SMAP1: variants seen among roughly 807,000 people sequenced by gnomAD.
The protein encoded by SMAP1 is stromal membrane-associated protein 1.
In SMAP1, 24 loss-of-function variants were observed where a neutral mutation model predicts 58.5. That is an observed-to-expected ratio of 0.41 (90% confidence interval 0.30 to 0.58). The LOEUF (loss-of-function observed/expected upper bound fraction) is 0.58. Ranked by LOEUF, SMAP1 falls within the 20% of genes least tolerant of loss-of-function variation. The pLI, the probability that SMAP1 is intolerant of heterozygous loss-of-function variation, is 0.29. For missense variants in SMAP1, 563 were observed against 566.3 expected, an observed-to-expected ratio of 0.99 and a Z score of 0.06; for synonymous variants, 216 against 196.6, an observed-to-expected ratio of 1.10 and a Z score of -0.82.
intron 2 of SMAP1, among the ~76,000 whole-genome samples, chr6:70,751,885 T>C (rs1766293384): frequency 6.6e-6 from 1 of 152,160 alleles, no homozygotes; most frequent in African/African-American, 2.4e-5. Flanking sequence ...AAAGTACATG[T>C]CACTTATCCC....
At chr6:70,843,789 G>A (rs1346478705) in intron 7 of SMAP1, among the ~76,000 whole-genome samples, 1 of 152,184 alleles carries the variant, frequency 6.6e-6, no homozygotes, top group African/African-American at 2.4e-5. Flanking sequence ...GAACTCTTCT[G>A]TAGCTGAGGG....
intron 1 of SMAP1, among the ~76,000 whole-genome samples, chr6:70,731,195 G>T (rs1765418804): frequency 6.6e-6 from 1 of 151,998 alleles, no homozygotes; most frequent in African/African-American, 2.4e-5. Context: ...TGAATATTTG[G>T]CATATTTTCC....
At chr6:70,783,879 C>A (rs936800049) in intron 4 of SMAP1, among the ~76,000 whole-genome samples, 6 of 152,208 alleles carry the variant, frequency 3.9e-5, no homozygotes, top group African/African-American at 1.4e-4. Flanking sequence ...AAACACTCTG[C>A]AGGATATTAT....
In SMAP1 at chr6:70,810,331, CTCTT is replaced by C. The variant is rs537812256; in HGVS notation, c.576+11599_576+11602del. ...TCTCTCCTAGTAGGTTTTTGATAGT[CTCTT>C]TCTTCTGCTTCCCCATAATATTCAA... On this transcript the variant is annotated intron_variant, in intron 6 of 10. Coordinates refer to ENST00000370455, the MANE Select transcript of SMAP1 (RefSeq NM_001044305.3). Among the ~76,000 whole-genome samples the C allele has an allele frequency of 1.8e-3, 269 of 152,184 alleles. No individual in the cohort carries two copies. The Middle Eastern group carries it at 0.02, about 12-fold the overall frequency.
At chr6:70,851,229 G>T (rs193102464) in intron 7 of SMAP1, among the ~76,000 whole-genome samples, 1 of 152,000 alleles carries the variant, frequency 6.6e-6, no homozygotes, top group African/African-American at 2.4e-5. Flanking sequence ...ATATTTTATC[G>T]TGACTATGTG....
intron 1 of SMAP1, among the ~76,000 whole-genome samples, chr6:70,730,947 C>G (rs1265139099): frequency 1.3e-5 from 2 of 152,246 alleles, no homozygotes; most frequent in South Asian, 2.1e-4. Context: ...TTACAGGCAC[C>G]TGCCACCATG....
chr6:70,787,365 A>T (rs558542737), intron 4 of SMAP1, among the ~76,000 whole-genome samples: 11 of 152,242 alleles, frequency 7.2e-5, no homozygotes, highest in Admixed American at 3.9e-4. Context: ...AACCTAGGCA[A>T]TACCATTCAG....
intron 6 of SMAP1, among the ~76,000 whole-genome samples, chr6:70,810,080 A>G (rs1191428612): frequency 6.6e-6 from 1 of 152,206 alleles, no homozygotes; most frequent in Non-Finnish European, 1.5e-5. Context: ...CAGTAAAAAT[A>G]AATAATCTGT....
chr6:70,709,188 G>T (rs1444253287), intron 1 of SMAP1, among the ~76,000 whole-genome samples: 5 of 152,072 alleles, frequency 3.3e-5, no homozygotes, highest in Non-Finnish European at 5.9e-5. Context: ...TTCCGCCATT[G>T]TGTCTTCTTG....
At chr6:70,702,376 C>T (rs939564292) in intron 1 of SMAP1, among the ~76,000 whole-genome samples, 2 of 134,344 alleles carry the variant, frequency 1.5e-5, no homozygotes, top group African/African-American at 2.7e-5. Flanking sequence ...AGCTCAGTTA[C>T]ATGCTTTTTT....
chr6:70,847,461 G>A (rs1184676636), intron 7 of SMAP1, among the ~76,000 whole-genome samples: 1 of 152,112 alleles, frequency 6.6e-6, no homozygotes, highest in Non-Finnish European at 1.5e-5. Context: ...TAAGACACTA[G>A]CCTAACATCT....
intron 1 of SMAP1, among the ~76,000 whole-genome samples, chr6:70,718,944 A>C (rs1234356252): frequency 6.6e-6 from 1 of 152,056 alleles, no homozygotes; most frequent in Non-Finnish European, 1.5e-5. Context: ...CTAATAATTA[A>C]TGTGTATTTT....
Position 70,850,190 on chromosome 6 carries a change from T to G in SMAP1, c.665-2350T>G, listed in dbSNP as rs554316307. Among the ~76,000 whole-genome samples, 16 of 152,266 alleles carry G rather than the reference T, an allele frequency of 1.1e-4. No homozygotes were observed. In the East Asian group the frequency reaches 2.7e-3, roughly 26 times the overall value. Reference sequence around the variant, plus strand: ...AAAAGTAATAAGACATAGCATTGGTTTTTAGTGGATGCGCTTTGTGATTCT... The same window carrying G: ...AAAAGTAATAAGACATAGCATTGGTGTTTAGTGGATGCGCTTTGTGATTCT... On this transcript the variant is annotated intron_variant, in intron 7 of 10. Transcript: ENST00000370455.
At chr6:70,813,910 T>A (rs1411848445) in intron 6 of SMAP1, among the ~76,000 whole-genome samples, 1 of 152,204 alleles carries the variant, frequency 6.6e-6, no homozygotes, top group Non-Finnish European at 1.5e-5. Flanking sequence ...CCAATTTTAA[T>A]GAGTTGAAAA....
chr6:70,697,491 A>G (rs910490853), intron 1 of SMAP1, among the ~76,000 whole-genome samples: 2 of 151,988 alleles, frequency 1.3e-5, no homozygotes, highest in African/African-American at 4.8e-5. Context: ...TATTTTTAGT[A>G]GAGACGGGTT....
intron 7 of SMAP1, among the ~76,000 whole-genome samples, chr6:70,849,430 TAAA>T (rs57793593): frequency 6.6e-6 from 1 of 151,534 alleles, no homozygotes; most frequent in Non-Finnish European, 1.5e-5. Context: ...GTAATAATAA[TAAA>T]AAAAACACAT....
chr6:70,757,502 A>T (rs1229602478), intron 3 of SMAP1, among the ~76,000 whole-genome samples: 1 of 152,102 alleles, frequency 6.6e-6, no homozygotes, highest in Non-Finnish European at 1.5e-5. Context: ...TGGCAACAAA[A>T]GCCAAAATTG....
At chr6:70,702,608 G>A (rs949907534) in intron 1 of SMAP1, among the ~76,000 whole-genome samples, 1 of 150,966 alleles carries the variant, frequency 6.6e-6, no homozygotes, top group African/African-American at 2.4e-5. Context: ...TTCTTCACAT[G>A]TTCAGCCTTT....
intron 1 of SMAP1, among the ~76,000 whole-genome samples, chr6:70,698,198 T>C (rs536369672): frequency 6.6e-6 from 1 of 152,334 alleles, no homozygotes; most frequent in South Asian, 2.1e-4. Context: ...AAAAGTTTTT[T>C]CCTTCAGCAC....
Sources: allele counts gnomAD v4.1 joint callset (sites outside exome capture counted in the v4.1 genomes callset), GRCh38; gene constraint gnomAD v4.1.1; transcripts MANE v1.5; gene names NCBI Gene and HGNC (gene_info 2026-07-23, HGNC 2026-07-21).